Variants in NLGN1 observed in about 807,000 individuals in gnomAD.
The protein encoded by NLGN1 is neuroligin 1.
NLGN1 carries 12 observed loss-of-function variants against 65.5 expected under a neutral mutation model. The observed-to-expected ratio is 0.18, with a 90% CI of 0.12 to 0.30. The LOEUF is 0.30. Ranked by LOEUF, NLGN1 falls within the 10% of genes least tolerant of loss-of-function variation. The pLI, the probability that NLGN1 is intolerant of heterozygous loss-of-function variation, is 1.00. For missense variants in NLGN1, 750 were observed against 1,007.1 expected, an observed-to-expected ratio of 0.74 and a Z score of 3.46; for synonymous variants, 350 against 359.5, an observed-to-expected ratio of 0.97 and a Z score of 0.30.
intron 3 of NLGN1, among the ~76,000 whole-genome samples, chr3:173,655,531 A>C (rs1338025967): frequency 6.6e-6 from 1 of 151,966 alleles, no homozygotes; most frequent in Non-Finnish European, 1.5e-5. Flanking sequence ...CATATATGAC[A>C]GGTGTACTTA....
At chr3:174,138,433 CTTTTTTT>C (rs58713208) in intron 4 of NLGN1, among the ~76,000 whole-genome samples, 3 of 132,540 alleles carry the variant, frequency 2.3e-5, no homozygotes, top group East Asian at 2.2e-4. Context: ...TTCTACTATT[CTTTTTTT>C]TTTTTTTTTT....
intron 4 of NLGN1, among the ~76,000 whole-genome samples, chr3:174,176,412 T>A (rs1039536956): frequency 1.8e-4 from 27 of 151,920 alleles, no homozygotes; most frequent in African/African-American, 6.5e-4. Flanking sequence ...TCATCAGTGG[T>A]ATTTTTAAAA....
At chr3:174,000,029 G>A (rs112881334) in intron 4 of NLGN1, among the ~76,000 whole-genome samples, 2,102 of 151,934 alleles carry the variant, frequency 0.014, 54 homozygotes, top group African/African-American at 0.049. Context: ...ATCATAATAA[G>A]GAGTTACGTG....
intron 1 of NLGN1, among the ~76,000 whole-genome samples, chr3:173,423,530 A>T (rs1242375089): frequency 6.6e-6 from 1 of 152,132 alleles, no homozygotes; most frequent in Non-Finnish European, 1.5e-5. Flanking sequence ...CCAAATTGGG[A>T]AAAATTGACC....
chr3:173,929,322 G>A (rs1743611677), intron 4 of NLGN1, among the ~76,000 whole-genome samples: 3 of 152,186 alleles, frequency 2.0e-5, no homozygotes, highest in South Asian at 4.1e-4. Context: ...ATCTGAGCAC[G>A]ATATGGTTGG....
chr3:173,657,227 T>G (rs1282733192), intron 3 of NLGN1, among the ~76,000 whole-genome samples: 1 of 152,026 alleles, frequency 6.6e-6, no homozygotes, highest in African/African-American at 2.4e-5. Context: ...GGAGATCCTC[T>G]GCTTCCTAAA....
At chr3:173,407,283 T>G (rs1033957938) in intron 1 of NLGN1, among the ~76,000 whole-genome samples, 1 of 152,226 alleles carries the variant, frequency 6.6e-6, no homozygotes, top group Non-Finnish European at 1.5e-5. Context: ...TTTTCAATGG[T>G]CTTTCCAGCT....
At chr3:173,939,632 A>G (rs1201542882) in intron 4 of NLGN1, among the ~76,000 whole-genome samples, 1 of 152,206 alleles carries the variant, frequency 6.6e-6, no homozygotes, top group Non-Finnish European at 1.5e-5. Flanking sequence ...AATGTTTTTA[A>G]CATTTGGTTT....
chr3:173,771,564 A>T lies in NLGN1; in HGVS notation c.494-36116A>T, dbSNP rs559296169. 1.9e-4 allele frequency among the ~76,000 whole-genome samples: 10 copies of T among 51,906 alleles called. No individual in the cohort carries two copies. The South Asian group carries it at 4.3e-3, about 22-fold the overall frequency. The allele number at this position is 51,906 out of a possible 152,430, so 34.1% of individuals were successfully genotyped here. ...GAACAAGTACTCAGGAAAATAACTA[A>T]CACCTTGAATTGTATGAGGTTTGTA... On this transcript the variant is annotated intron_variant, in intron 3 of 6. Transcript: ENST00000457714.
intron 4 of NLGN1, among the ~76,000 whole-genome samples, chr3:173,968,936 A>G (rs1201191182): frequency 6.6e-6 from 1 of 151,466 alleles, no homozygotes; most frequent in Admixed American, 6.6e-5. Flanking sequence ...CCTGACCTCA[A>G]ATGATCCGCC....
chr3:174,059,290 C>T (rs561717515), intron 4 of NLGN1, among the ~76,000 whole-genome samples: 19 of 152,130 alleles, frequency 1.2e-4, no homozygotes, highest in African/African-American at 4.3e-4. Flanking sequence ...ACTTAGACTA[C>T]GAAATAAAGC....
chr3:173,925,527 A>T (rs187300399), intron 4 of NLGN1, among the ~76,000 whole-genome samples: 2 of 152,212 alleles, frequency 1.3e-5, no homozygotes, highest in Admixed American at 1.3e-4. Context: ...TGTTTTCTTT[A>T]CCTGCCTCCC....
intron 3 of NLGN1, among the ~76,000 whole-genome samples, chr3:173,696,871 A>G (rs1408793183): frequency 6.6e-6 from 1 of 152,226 alleles, no homozygotes; most frequent in Non-Finnish European, 1.5e-5. Flanking sequence ...GGTGTTCTGC[A>G]GACATTATGG....
At chr3:174,189,375 T>A (rs2152757755) in intron 4 of NLGN1, among the ~76,000 whole-genome samples, 1 of 152,076 alleles carries the variant, frequency 6.6e-6, no homozygotes, top group East Asian at 1.9e-4. Flanking sequence ...AAGTTACTCA[T>A]CAACATCTAT....
rs145802137 is a variant in NLGN1, at chr3:173,917,841, T to TTGTGTGTGTGTGTGTGTGTGTG, written c.646+110017_646+110038dup. ...GCTCTGAAATTCTTACAAAGCAACA[T>TTGTGTGTGTGTGTGTGTGTGTG]TGTGTGTGTGTGTGTGTGTGTGTGT... On this transcript the variant is annotated intron_variant, in intron 4 of 6. Coordinates refer to ENST00000457714, the Ensembl canonical transcript of NLGN1. Among the ~76,000 whole-genome samples, 1,013 of 146,456 alleles carry TTGTGTGTGTGTGTGTGTGTGTG rather than the reference T, an allele frequency of 6.9e-3. 15 individuals carry two copies. The highest frequency in any genetic ancestry group is 0.022 in the African/African-American group (885 of 39,476).
chr3:173,664,483 G>C (rs1761423307), intron 3 of NLGN1, among the ~76,000 whole-genome samples: 3 of 152,110 alleles, frequency 2.0e-5, no homozygotes, highest in Admixed American at 6.6e-5. Context: ...ATCTGTTTAT[G>C]ATAAGGAAAT....
At chr3:174,036,361 C>T (rs1731125475) in intron 4 of NLGN1, among the ~76,000 whole-genome samples, 1 of 152,104 alleles carries the variant, frequency 6.6e-6, no homozygotes, top group African/African-American at 2.4e-5. Context: ...AAGTAAAGCT[C>T]TTGGGTACCT....
chr3:173,746,603 A>C (rs1406386605), intron 3 of NLGN1, among the ~76,000 whole-genome samples: 1 of 152,092 alleles, frequency 6.6e-6, no homozygotes, highest in African/African-American at 2.4e-5. Flanking sequence ...CACTAGATTA[A>C]GTCTGATTTG....
intron 4 of NLGN1, among the ~76,000 whole-genome samples, chr3:174,062,831 ATTAAT>A (rs1244400562): frequency 1.3e-5 from 2 of 152,084 alleles, no homozygotes; most frequent in African/African-American, 2.4e-5. Context: ...TACTATCATT[ATTAAT>A]TTAACAGTGA....
Sources: gnomAD v4.1 joint callset for allele counts (sites outside exome capture counted in the v4.1 genomes callset) on GRCh38, gnomAD v4.1.1 for gene constraint, MANE v1.5 for transcripts, NCBI Gene and HGNC (gene_info 2026-07-23, HGNC 2026-07-21) for gene names.